Variants in REC114 observed in about 807,000 individuals in gnomAD.
REC114 encodes the protein meiotic recombination protein REC114.
A neutral mutation model predicts 31.3 loss-of-function variants in REC114; 27 were observed. The ratio of observed to expected loss-of-function variants is 0.86; its 90% CI spans 0.64 to 1.19. REC114 has a LOEUF of 1.19. Ranked by LOEUF, REC114 falls within the 50% of genes most tolerant of loss-of-function variation. The pLI is 0.00. For missense variants in REC114, 344 were observed against 326.9 expected (o/e 1.05, Z -0.40); for synonymous variants, 134 against 127.7 (o/e 1.05, Z -0.33).
In REC114 at chr15:73,447,689, A is replaced by AAATAAATG. The variant is rs397963038; in HGVS notation, c.159+4345_159+4346insAATAAATG. Among the ~76,000 whole-genome samples the AAATAAATG allele has an allele frequency of 4.6e-3, 693 of 151,544 alleles. 6 individuals are homozygous for AAATAAATG. Among genetic ancestry groups the AAATAAATG allele is most frequent in the African/African-American group, 0.016 (651 of 41,300 alleles). On this transcript the variant is annotated intron_variant, in intron 1 of 5. Coordinates refer to ENST00000331090, the MANE Select transcript of REC114 (RefSeq NM_001042367.2). ...TAAATAAATAAATAAATAAATAAAT[A>AAATAAATG]GGAAAATACAACAAGATAGCCGAAT...
chr15:73,495,558 G>A (rs1332613483), intron 2 of REC114, among the ~76,000 whole-genome samples: 14 of 147,710 alleles, frequency 9.5e-5, no homozygotes, highest in African/African-American at 3.2e-4. Context: ...GACAAAATAA[G>A]TCTTGATTTA....
intron 2 of REC114, among the ~76,000 whole-genome samples, chr15:73,501,498 G>A (rs1258755584): frequency 3.3e-5 from 5 of 152,184 alleles, no homozygotes; most frequent in African/African-American, 1.2e-4. Context: ...AGGCTGGAGT[G>A]CAGTGGCACC....
intron 2 of REC114, among the ~76,000 whole-genome samples, chr15:73,487,887 C>A (rs1400119084): frequency 6.6e-6 from 1 of 152,106 alleles, no homozygotes; most frequent in Non-Finnish European, 1.5e-5. Flanking sequence ...TTTGCCTGGG[C>A]CCTAAGGCTC....
Position 73,559,959 on chromosome 15 carries a change from A to T in REC114, c.*43A>T. 1 of 1,438,740 alleles carries T rather than the reference A, an allele frequency of 7.0e-7. No individual in the cohort carries two copies. Among genetic ancestry groups the T allele is most frequent in the Non-Finnish European group, 9.1e-7 (1 of 1,092,902 alleles). The allele number at this position is 1,438,740 out of a possible 1,614,324, so 89.1% of individuals were successfully genotyped here. ...TAACTAAGGAACTTCAAAGTATTGA[A>T]AAATGCTTCCTCCTAAAATTAAAGA... is the stretch of plus-strand genomic sequence containing the variant. On this transcript the variant is annotated 3_prime_UTR_variant, in exon 6 of 6. Transcript: ENST00000331090.
At chr15:73,465,722 G>A (rs902197392) in intron 1 of REC114, among the ~76,000 whole-genome samples, 2 of 152,014 alleles carry the variant, frequency 1.3e-5, no homozygotes, top group Non-Finnish European at 2.9e-5. Flanking sequence ...AAAATATTAT[G>A]CAGCGGACAT....
At chr15:73,500,461 G>A (rs1272690519) in intron 2 of REC114, among the ~76,000 whole-genome samples, 1 of 152,046 alleles carries the variant, frequency 6.6e-6, no homozygotes, top group Non-Finnish European at 1.5e-5. Context: ...GGCAAAACTA[G>A]TCTATGGTGA....
At chr15:73,452,136 C>A (rs1035653255) in intron 1 of REC114, among the ~76,000 whole-genome samples, 1 of 152,212 alleles carries the variant, frequency 6.6e-6, no homozygotes, top group South Asian at 2.1e-4. Flanking sequence ...CTGGCCAGGG[C>A]AATCGGGCAA....
chr15:73,528,198 T>G (rs1485371797), intron 2 of REC114, among the ~76,000 whole-genome samples: 1 of 152,190 alleles, frequency 6.6e-6, no homozygotes, highest in Non-Finnish European at 1.5e-5. Context: ...ACAAAATAGT[T>G]GATGAGGCAA....
chr15:73,531,586 C>T (rs2141324919), intron 2 of REC114, among the ~76,000 whole-genome samples: 1 of 152,252 alleles, frequency 6.6e-6, no homozygotes, highest in East Asian at 1.9e-4. Flanking sequence ...AGGGATGGGT[C>T]AAAGTGTGTT....
At chr15:73,536,075 G>A (rs774351755) in intron 2 of REC114, among the ~76,000 whole-genome samples, 8 of 151,652 alleles carry the variant, frequency 5.3e-5, no homozygotes, top group Non-Finnish European at 7.4e-5. Context: ...TAAAAACCCT[G>A]GAAGAAAACC....
chr15:73,478,881 T>C (rs1893253590), intron 2 of REC114, among the ~76,000 whole-genome samples: 1 of 152,226 alleles, frequency 6.6e-6, no homozygotes, highest in African/African-American at 2.4e-5. Context: ...AGAAACATAA[T>C]TGATTTTTAA....
At chr15:73,501,244 T>C (rs1396616311) in intron 2 of REC114, among the ~76,000 whole-genome samples, 1 of 152,212 alleles carries the variant, frequency 6.6e-6, no homozygotes, top group Non-Finnish European at 1.5e-5. Flanking sequence ...AAATGTTAAC[T>C]AAAGTTTAAA....
At chr15:73,490,818 C>CA (rs113077844) in intron 2 of REC114, among the ~76,000 whole-genome samples, 8,157 of 151,196 alleles carry the variant, frequency 0.054, 393 homozygotes, top group African/African-American at 0.13. Flanking sequence ...TCGCCCCCAC[C>CA]AAAAAAAAAT....
At chr15:73,509,506 A>G (rs1893732523) in intron 2 of REC114, among the ~76,000 whole-genome samples, 1 of 150,486 alleles carries the variant, frequency 6.6e-6, no homozygotes, top group Admixed American at 6.6e-5. Context: ...TTGGACATGA[A>G]GTCCTTGCCC....
chr15:73,449,814 A>G (rs1230797491), intron 1 of REC114, among the ~76,000 whole-genome samples: 1 of 152,204 alleles, frequency 6.6e-6, no homozygotes, highest in East Asian at 1.9e-4. Context: ...CAGAACCCCT[A>G]CAATCCAGAA....
At chr15:73,447,183 G>T (rs1430645596) in intron 1 of REC114, among the ~76,000 whole-genome samples, 1 of 152,132 alleles carries the variant, frequency 6.6e-6, no homozygotes, top group Non-Finnish European at 1.5e-5. Context: ...GTCAGTTTTG[G>T]ATGTATTGAA....
At chr15:73,550,597 C>T (rs1251670147) in intron 3 of REC114, among the ~76,000 whole-genome samples, 1 of 152,148 alleles carries the variant, frequency 6.6e-6, no homozygotes, top group Non-Finnish European at 1.5e-5. Flanking sequence ...ACAGATTTTT[C>T]ACTTAGGGAA....
intron 2 of REC114, among the ~76,000 whole-genome samples, chr15:73,511,437 A>C (rs1168800737): frequency 1.3e-5 from 2 of 151,368 alleles, no homozygotes; most frequent in Non-Finnish European, 2.9e-5. Flanking sequence ...TTGTGTCTCT[A>C]TTTCCTTCAG....
rs372790389 is a variant in REC114, at chr15:73,556,329, G to A, written c.574G>A (p.Val192Met). ...CCACCAGCACTCAGAACAACAGCAA[G>A]TGTGTGTAACAGCGGGCACAGGCGC... ...GSHQHSEQQQ[V>M]CVTAGTGAPD... Residue 192 changes from valine (V) to methionine (M), a missense_variant, in exon 5 of 6, where the codon GTG becomes ATG. Transcript: ENST00000331090. 1.2e-6 allele frequency: 2 copies of A among 1,613,712 alleles called. No homozygotes were observed. The highest frequency in any genetic ancestry group is 1.7e-5 in the Admixed American group (1 of 59,982).
Sources: gnomAD v4.1 joint callset for allele counts (sites outside exome capture counted in the v4.1 genomes callset) on GRCh38, gnomAD v4.1.1 for gene constraint, MANE v1.5 for transcripts, NCBI Gene and HGNC (gene_info 2026-07-23, HGNC 2026-07-21) for gene names.